Variants in TMEM217B observed in about 807,000 individuals in gnomAD.
The protein encoded by TMEM217B is transmembrane protein 217B, also known as putative transmembrane protein 217B.
the TMEM217B span, among the ~76,000 whole-genome samples, chr6:37,224,190 C>T: frequency 4.1e-5 from 6 of 147,486 alleles, no homozygotes; most frequent in East Asian, 2.1e-4. Context: ...CCGCCTGCCT[C>T]GGCCTCCCAA....
At chr6:37,242,070 C>T in the TMEM217B span, among the ~76,000 whole-genome samples, 2,840 of 151,514 alleles carry the variant, frequency 0.019, 36 homozygotes, top group Non-Finnish European at 0.029. Context: ...CATAGAACCC[C>T]CTGAGTTCAC....
At chr6:37,255,816 T>C in the TMEM217B span, among the ~76,000 whole-genome samples, 1 of 152,076 alleles carries the variant, frequency 6.6e-6, no homozygotes, top group Non-Finnish European at 1.5e-5. Context: ...GGTGACCAAG[T>C]GGTAGTGGTG....
the TMEM217B span, chr6:37,258,033 C>T: frequency 1.5e-5 from 24 of 1,575,860 alleles, no homozygotes; most frequent in African/African-American, 2.8e-4. Context: ...GATCCTAATC[C>T]CTGAATCCCG....
At chr6:37,236,399 A>G in the TMEM217B span, among the ~76,000 whole-genome samples, 2 of 152,166 alleles carry the variant, frequency 1.3e-5, no homozygotes, top group African/African-American at 4.8e-5. Context: ...GAGTATGAGC[A>G]TGTGTATTTT....
chr6:37,237,525 G>C, the TMEM217B span, among the ~76,000 whole-genome samples: 1 of 152,134 alleles, frequency 6.6e-6, no homozygotes, highest in African/African-American at 2.4e-5. Flanking sequence ...CATTAAAAAG[G>C]ATATTGGAAA....
At chr6:37,227,238 T>C in the TMEM217B span, among the ~76,000 whole-genome samples, 1 of 152,140 alleles carries the variant, frequency 6.6e-6, no homozygotes, top group Non-Finnish European at 1.5e-5. Flanking sequence ...TTGATTAGAG[T>C]AGGCCTTTGG....
At chr6:37,241,314 G>GA in the TMEM217B span, among the ~76,000 whole-genome samples, 1 of 150,960 alleles carries the variant, frequency 6.6e-6, no homozygotes, top group African/African-American at 2.4e-5. Flanking sequence ...CTTTGTCAAA[G>GA]AAAAAAAAGG....
chr6:37,219,086 CA>C, the TMEM217B span: 4 of 1,526,486 alleles, frequency 2.6e-6, no homozygotes, highest in Non-Finnish European at 2.7e-6. Flanking sequence ...TTCCTGCCAA[CA>C]TGGTAAATTA....
At chr6:37,236,449 T>C in the TMEM217B span, among the ~76,000 whole-genome samples, 1 of 152,052 alleles carries the variant, frequency 6.6e-6, no homozygotes, top group Admixed American at 6.6e-5. Flanking sequence ...AATCCTGGGG[T>C]GGGAGAGTAA....
chr6:37,216,225 C>A, the TMEM217B span, among the ~76,000 whole-genome samples: 2 of 151,918 alleles, frequency 1.3e-5, no homozygotes, highest in African/African-American at 4.8e-5. Context: ...ATTACAGGTG[C>A]CTGCCACTAT....
At chr6:37,237,883 A>C in the TMEM217B span, among the ~76,000 whole-genome samples, 4 of 152,198 alleles carry the variant, frequency 2.6e-5, no homozygotes, top group African/African-American at 9.6e-5. Context: ...ACTGTATGAA[A>C]AGCAAAGTGA....
At chr6:37,252,934 C>T in the TMEM217B span, among the ~76,000 whole-genome samples, 1 of 151,940 alleles carries the variant, frequency 6.6e-6, no homozygotes, top group Admixed American at 6.6e-5. Flanking sequence ...GCTACTGTTA[C>T]CCAGGTGATG....
chr6:37,212,762 T>A, the TMEM217B span: 1 of 695,326 alleles, frequency 1.4e-6, no homozygotes, highest in East Asian at 2.8e-5. Context: ...AAGCAGCCGA[T>A]GATGATGGTG....
the TMEM217B span, among the ~76,000 whole-genome samples, chr6:37,256,639 G>T: frequency 6.6e-6 from 1 of 151,686 alleles, no homozygotes; most frequent in Non-Finnish European, 1.5e-5. Context: ...AGAAACCGTC[G>T]TTGGAGGACA....
the TMEM217B span, among the ~76,000 whole-genome samples, chr6:37,234,749 T>G: frequency 2.0e-5 from 3 of 151,400 alleles, no homozygotes; most frequent in African/African-American, 7.3e-5. Flanking sequence ...AAAAAGAAAA[T>G]AAAATAAATA....
chr6:37,244,209 A>T, the TMEM217B span, among the ~76,000 whole-genome samples: 1 of 152,234 alleles, frequency 6.6e-6, no homozygotes, highest in South Asian at 2.1e-4. Flanking sequence ...TGTAAACTAA[A>T]TTCTTTCCAA....
the TMEM217B span, among the ~76,000 whole-genome samples, chr6:37,235,784 G>A: frequency 6.6e-6 from 1 of 152,148 alleles, no homozygotes; most frequent in Non-Finnish European, 1.5e-5. Flanking sequence ...GTCCTCACAG[G>A]GAGGAAAGTA....
the TMEM217B span, chr6:37,217,669 C>G: frequency 2.0e-6 from 2 of 985,222 alleles, no homozygotes; most frequent in Non-Finnish European, 1.2e-6. Flanking sequence ...TATTCTTTTT[C>G]TTATCTGGAA....
chr6:37,218,791 G>A, the TMEM217B span: 10 of 1,614,086 alleles, frequency 6.2e-6, no homozygotes, highest in Non-Finnish European at 8.5e-6. Flanking sequence ...ACAGGAGGAA[G>A]CAGCTGATGA....
Sources: allele counts gnomAD v4.1 joint callset (sites outside exome capture counted in the v4.1 genomes callset), GRCh38; gene constraint gnomAD v4.1.1; transcripts MANE v1.5; gene names NCBI Gene and HGNC (gene_info 2026-07-23, HGNC 2026-07-21).